The following MTIF2 variants were observed in gnomAD, a reference collection of about 807,000 sequenced individuals.
MTIF2 encodes the protein mitochondrial translational initiation factor 2.
MTIF2 carries 71 observed loss-of-function variants against 83.5 expected under a neutral mutation model. That is an observed-to-expected ratio of 0.85 (90% confidence interval 0.70 to 1.04). MTIF2 has a LOEUF of 1.04. Ranked by LOEUF, MTIF2 falls within the 50% of genes least tolerant of loss-of-function variation. The probability of loss-of-function intolerance (pLI) is 0.00; values close to 1 mark genes in which losing one functional copy is unlikely to be tolerated. For synonymous variants in MTIF2, 319 were observed against 287.1 expected, an observed-to-expected ratio of 1.11 and a Z score of -1.12; for missense variants, 957 against 846.5, an observed-to-expected ratio of 1.13 and a Z score of -1.62.
chr2:55,258,161 C>G (rs942243667), intron 5 of MTIF2, among the ~76,000 whole-genome samples: 3 of 152,224 alleles, frequency 2.0e-5, no homozygotes, highest in South Asian at 2.1e-4. Flanking sequence ...ACAACCAGCT[C>G]AAATAATTCC....
intron 4 of MTIF2, 24 bp downstream of exon 4, chr2:55,263,609 CAAAAAAA>C: frequency 7.6e-7 from 1 of 1,314,392 alleles, no homozygotes. Context: ...GACTCCATCT[CAAAAAAA>C]AAAAAAAAGA....
In MTIF2 at chr2:55,240,161, A is replaced by G. The variant is rs1477656497; in HGVS notation, c.1720T>C (p.Phe574Leu). The G allele has an allele frequency of 6.2e-7, 1 of 1,613,218 alleles. No individual in the cohort carries two copies. The highest frequency in any genetic ancestry group is 1.7e-5 in the Admixed American group (1 of 59,996). ...ATAACATTGCCTGCATTCACATTAA[A>G]GCCATATATAACACCTAGCAAACAG... ...AETFDGVIYGFNVNAGNVIQQ... is the reference protein window; with the variant it reads ...AETFDGVIYGLNVNAGNVIQQ... Residue 574 changes from phenylalanine to leucine, a missense_variant, in exon 14 of 16, where the codon TTT (phenylalanine) becomes CTT (leucine). Phe to Leu is a conservative substitution (Grantham distance 22). Coordinates refer to ENST00000263629, the MANE Select transcript of MTIF2 (RefSeq NM_002453.3).
At chr2:55,252,400 G>C in intron 8 of MTIF2, 77 bp downstream of exon 8, 1 of 1,253,088 alleles carries the variant, frequency 8.0e-7, no homozygotes, top group Non-Finnish European at 1.1e-6. Context: ...TTGTTGTGAA[G>C]ACTAAATGAG....
At chr2:55,246,484 T>C in intron 9 of MTIF2, 23 bp from the exon 10 acceptor site, 1 of 1,597,428 alleles carries the variant, frequency 6.3e-7, no homozygotes, top group African/African-American at 1.3e-5. Flanking sequence ...CAAACGTTGT[T>C]AATACACATT....
intron 8 of MTIF2, 139 bp from the exon 9 acceptor site, chr2:55,249,673 C>G: frequency 1.1e-6 from 1 of 920,950 alleles, no homozygotes; most frequent in Non-Finnish European, 1.6e-6. Context: ...CCAAAATGAC[C>G]CACTTTAGAG....
intron 8 of MTIF2, among the ~76,000 whole-genome samples, chr2:55,250,289 A>AAG (rs1305561859): frequency 9.2e-5 from 14 of 152,104 alleles, no homozygotes; most frequent in Non-Finnish European, 1.5e-4. Context: ...GGTTGAAAAA[A>AAG]ATGTGTGTGT....
At position 55,254,641 on chromosome 2, in the gene MTIF2, A is replaced by T. The variant is rs1677373771; in HGVS notation, c.503+13T>A. ...TCCCCCAAACCCTGCCAGTATATAC[A>T]GTTAAGTTTTACCTTCTTACAGCAT... is the stretch of plus-strand genomic sequence containing the variant. On this transcript the variant is annotated intron_variant, in intron 6 of 15. Coordinates refer to ENST00000263629, the MANE Select transcript of MTIF2 (RefSeq NM_002453.3). The T allele has an allele frequency of 6.3e-7, 1 of 1,585,188 alleles. No individual in the cohort carries two copies. Among genetic ancestry groups the T allele is most frequent in the East Asian group, 2.3e-5 (1 of 43,676 alleles).
chr2:55,261,030 A>G lies in MTIF2; in HGVS notation c.331+1286T>C, dbSNP rs552424193. ...AAGATGGAGTCTCGCTCTGTCGTCC[A>G]GGGTAGAGTGCAGTGGCGCGATCTC... On this transcript the variant is annotated intron_variant, in intron 5 of 15. Transcript: ENST00000263629. Among the ~76,000 whole-genome samples, 23 of 151,778 alleles carry G rather than the reference A, an allele frequency of 1.5e-4. No homozygotes were observed. In the East Asian group the frequency reaches 4.5e-3, roughly 29 times the overall value.
intron 14 of MTIF2, among the ~76,000 whole-genome samples, chr2:55,239,316 A>C (rs1261592527): frequency 6.6e-6 from 1 of 152,216 alleles, no homozygotes; most frequent in African/African-American, 2.4e-5. Context: ...TGGGCACTAT[A>C]TCTCAAACAT....
chr2:55,252,586 C>G lies in MTIF2; in HGVS notation c.732G>C (p.Met244Ile), dbSNP rs1391584407. The part of the protein sequence containing the change: ...DTPGHAAFSA[M>I]RARGAQVTDI... ...CAGTGACCTGAGCACCTCTGGCTCT[C>G]ATTGCTGAGAAAGCAGCATGTCCTG... Residue 244 changes from methionine to isoleucine, a missense_variant, in exon 8 of 16, where the codon ATG (methionine) becomes ATC (isoleucine). Transcript: ENST00000263629. 5.6e-6 allele frequency: 9 copies of G among 1,614,150 alleles called. No individual in the cohort carries two copies. The highest frequency in any genetic ancestry group is 6.8e-6 in the Non-Finnish European group (8 of 1,180,006).
chr2:55,260,180 A>C lies in MTIF2; in HGVS notation c.331+2136T>G, dbSNP rs527972524. Among the ~76,000 whole-genome samples, 5 of 152,198 alleles carry C rather than the reference A, an allele frequency of 3.3e-5. No individual in the cohort carries two copies. The East Asian group carries it at 9.7e-4, about 29-fold the overall frequency. On this transcript the variant is annotated intron_variant, in intron 5 of 15. Transcript: ENST00000263629. Reference sequence around the variant, plus strand: ...TTTGGGAGGCCGAGGTGGGCGGATCACCTGAGGTCGGGAGTTCGAGACCAG... The same window carrying C: ...TTTGGGAGGCCGAGGTGGGCGGATCCCCTGAGGTCGGGAGTTCGAGACCAG...
At chr2:55,243,887 C>T in intron 11 of MTIF2, 142 bp downstream of exon 11, 1 of 934,254 alleles carries the variant, frequency 1.1e-6, no homozygotes, top group Non-Finnish European at 1.5e-6. Flanking sequence ...TAGTCTAATG[C>T]TAAAATAGCA....
intron 15 of MTIF2, among the ~76,000 whole-genome samples, 174 bp downstream of exon 15, chr2:55,237,114 A>G (rs930626002): frequency 6.6e-6 from 1 of 152,184 alleles, no homozygotes; most frequent in Non-Finnish European, 1.5e-5. Context: ...ACCAACATAC[A>G]TCTCAGGCAA....
intron 9 of MTIF2, among the ~76,000 whole-genome samples, chr2:55,247,600 A>C (rs1676795386): frequency 6.6e-6 from 1 of 152,142 alleles, no homozygotes; most frequent in Non-Finnish European, 1.5e-5. Flanking sequence ...AAACAAAACA[A>C]AACAAAAAAA....
chr2:55,240,158 T>G lies in MTIF2; in HGVS notation c.1723A>C (p.Asn575His), dbSNP rs771241825. The G allele has an allele frequency of 7.4e-6, 12 of 1,613,538 alleles. No homozygotes were observed. The South Asian group carries it at 9.9e-5, about 13-fold the overall frequency. ...ETFDGVIYGF[N>H]VNAGNVIQQS... ...TGGATAACATTGCCTGCATTCACATTAAAGCCATATATAACACCTAGCAAA... is the reference window on the plus strand; with the variant it reads ...TGGATAACATTGCCTGCATTCACATGAAAGCCATATATAACACCTAGCAAA... Residue 575 changes from asparagine to histidine, a missense_variant, in exon 14 of 16, where the codon AAT becomes CAT. Coordinates refer to ENST00000263629, the MANE Select transcript of MTIF2 (RefSeq NM_002453.3).
At chr2:55,251,567 C>T (rs1208719007) in intron 8 of MTIF2, among the ~76,000 whole-genome samples, 1 of 152,140 alleles carries the variant, frequency 6.6e-6, no homozygotes, top group East Asian at 1.9e-4. Context: ...TTATCGAGTA[C>T]ATTTTCTCAG....
At chr2:55,262,512 ATCATAGCTACATTTCTTTCTTT>A (rs1678087542) in intron 4 of MTIF2, 85 bp from the exon 5 acceptor site, 1 of 719,974 alleles carries the variant, frequency 1.4e-6, no homozygotes, top group South Asian at 1.8e-5. Flanking sequence ...ATCTACCACA[ATCATAGCTACATTTCTTTCTTT>A]TTTTTTCTTT....
At chr2:55,259,333 A>G (rs1677781359) in intron 5 of MTIF2, among the ~76,000 whole-genome samples, 1 of 152,234 alleles carries the variant, frequency 6.6e-6, no homozygotes, top group African/African-American at 2.4e-5. Context: ...AGATTTGAAT[A>G]TGAAATAAGC....
chr2:55,253,681 G>T (rs551557296), intron 7 of MTIF2, among the ~76,000 whole-genome samples: 1 of 152,272 alleles, frequency 6.6e-6, no homozygotes, highest in African/African-American at 2.4e-5. Context: ...CAGGCACGGT[G>T]GTGCACACCT....
Sources: allele counts gnomAD v4.1 joint callset (sites outside exome capture counted in the v4.1 genomes callset), GRCh38; gene constraint gnomAD v4.1.1; transcripts MANE v1.5; gene names NCBI Gene and HGNC (gene_info 2026-07-23, HGNC 2026-07-21).